Variants in TIAM1 observed in about 807,000 individuals in gnomAD.
The protein encoded by TIAM1 is TIAM Rac1 associated GEF 1, also known as rho guanine nucleotide exchange factor TIAM1.
In TIAM1, 65 loss-of-function variants were observed where a neutral mutation model predicts 163.5. That is an observed-to-expected ratio of 0.40 (90% CI 0.33 to 0.49). TIAM1 has a LOEUF of 0.49. Among genes scored for constraint, TIAM1 ranks in the 20% least tolerant of loss-of-function variants. TIAM1 has a pLI of 0.77. For missense variants in TIAM1, 1,789 were observed against 2,044.7 expected, an observed-to-expected ratio of 0.87 and a Z score of 2.41; for synonymous variants, 833 against 810.1, an observed-to-expected ratio of 1.03 and a Z score of -0.48.
At chr21:31,407,551 C>G (rs1026324373) in intron 2 of TIAM1, among the ~76,000 whole-genome samples, 1 of 151,792 alleles carries the variant, frequency 6.6e-6, no homozygotes, top group Non-Finnish European at 1.5e-5. Flanking sequence ...GTCCGTGGCT[C>G]GACCCATCGG....
intron 2 of TIAM1, among the ~76,000 whole-genome samples, chr21:31,377,909 G>A (rs1316713997): frequency 6.6e-6 from 1 of 151,700 alleles, no homozygotes; most frequent in Non-Finnish European, 1.5e-5. Flanking sequence ...GGCCGAGGTG[G>A]GCAGATCACT....
At chr21:31,407,152 A>G (rs1314772329) in intron 2 of TIAM1, among the ~76,000 whole-genome samples, 1 of 152,200 alleles carries the variant, frequency 6.6e-6, no homozygotes, top group Non-Finnish European at 1.5e-5. Context: ...AAGTGTTGCC[A>G]ATCACACAAA....
intron 2 of TIAM1, among the ~76,000 whole-genome samples, chr21:31,289,160 C>T (rs902445649): frequency 6.6e-5 from 10 of 152,166 alleles, no homozygotes; most frequent in African/African-American, 1.4e-4. Context: ...AAGTCAATAG[C>T]TTTGCAACAC....
intron 11 of TIAM1, among the ~76,000 whole-genome samples, chr21:31,204,283 A>G (rs556313924): frequency 2.5e-4 from 38 of 152,204 alleles, no homozygotes; most frequent in Admixed American, 5.2e-4. Flanking sequence ...TCCAAAACAA[A>G]TAAGAGTTGG....
At chr21:31,374,729 C>A (rs557419046) in intron 2 of TIAM1, among the ~76,000 whole-genome samples, 1 of 152,180 alleles carries the variant, frequency 6.6e-6, no homozygotes, top group Non-Finnish European at 1.5e-5. Context: ...TGTTCCAAGG[C>A]AATATGGGAT....
intron 2 of TIAM1, among the ~76,000 whole-genome samples, chr21:31,360,655 T>A (rs776528918): frequency 6.6e-6 from 1 of 152,168 alleles, no homozygotes; most frequent in Non-Finnish European, 1.5e-5. Context: ...GACAAGGAGA[T>A]ATTATGCAGA....
chr21:31,511,124 G>A (rs1353797844), intron 1 of TIAM1, among the ~76,000 whole-genome samples: 3 of 152,190 alleles, frequency 2.0e-5, no homozygotes, highest in African/African-American at 4.8e-5. Context: ...AACCAATGCC[G>A]CGGGCACCCT....
At chr21:31,415,847 T>C (rs1341303830) in intron 2 of TIAM1, among the ~76,000 whole-genome samples, 2 of 152,140 alleles carry the variant, frequency 1.3e-5, no homozygotes, top group East Asian at 1.9e-4. Context: ...TTCCCCACAC[T>C]GTCTCCTCCA....
At position 31,210,173 on chromosome 21, in the gene TIAM1, G is replaced by T; in HGVS notation, c.2260C>A (p.Pro754Thr). Residue 754 changes from proline to threonine, a missense_variant, in exon 11 of 28, where the codon CCT (proline) becomes ACT (threonine). By Grantham distance (38) the Pro-to-Thr change is conservative. This residue lies in a region of TIAM1 where 456 missense variants were observed against 586.6 expected (regional missense o/e 0.78). Coordinates refer to ENST00000541036, the MANE Select transcript of TIAM1 (RefSeq NM_001353694.2). Reference protein sequence around the residue: ...VVLPNVHQHNPDCDIWVHEYF... With the variant: ...VVLPNVHQHNTDCDIWVHEYF... Reference sequence around the variant, plus strand: ...TCGTGGACCCAAATGTCGCAGTCAGGGTTGTGCTGGTGAACGTTAGGTAAG... The same window carrying T: ...TCGTGGACCCAAATGTCGCAGTCAGTGTTGTGCTGGTGAACGTTAGGTAAG... The T allele has an allele frequency of 6.2e-7, 1 of 1,614,116 alleles. No individual in the cohort carries two copies. The highest frequency in any genetic ancestry group is 8.5e-7 in the Non-Finnish European group (1 of 1,180,028).
In TIAM1 at chr21:31,398,761, C is replaced by T. The variant is rs577355792; in HGVS notation, c.-368-59339G>A. On this transcript the variant is annotated intron_variant, in intron 2 of 28. Transcript: ENST00000286827. ...TCTGTGCCTGGGCAGATATGGAGAA[C>T]GATTTAGTGTGATATGAGAATACAG... is the stretch of plus-strand genomic sequence containing the variant. Among the ~76,000 whole-genome samples the T allele has an allele frequency of 1.5e-3, 232 of 152,334 alleles. 2 individuals are homozygous for T. Among genetic ancestry groups the T allele is most frequent in the Admixed American group, 5.0e-3 (76 of 15,302 alleles).
At chr21:31,472,089 G>C in intron 1 of TIAM1, among the ~76,000 whole-genome samples, 1 of 152,026 alleles carries the variant, frequency 6.6e-6, no homozygotes, top group East Asian at 1.9e-4. Context: ...GTGGACACTT[G>C]GTCTTGCCAT....
chr21:31,193,809 A>G (rs537200370), intron 13 of TIAM1, among the ~76,000 whole-genome samples: 2 of 152,332 alleles, frequency 1.3e-5, no homozygotes, highest in South Asian at 2.1e-4. Flanking sequence ...GTGAATCGGG[A>G]AAAGCTAGCT....
chr21:31,138,909 T>G (rs894766639), intron 22 of TIAM1, among the ~76,000 whole-genome samples: 4 of 152,204 alleles, frequency 2.6e-5, no homozygotes, highest in Non-Finnish European at 4.4e-5. Flanking sequence ...AGCCAGAAAT[T>G]TTCTGGGCTT....
At chr21:31,385,436 T>A (rs1220704271) in intron 2 of TIAM1, among the ~76,000 whole-genome samples, 2 of 151,864 alleles carry the variant, frequency 1.3e-5, no homozygotes, top group Non-Finnish European at 2.9e-5. Context: ...GAAAGAAGGG[T>A]GGGGTCAAGG....
At chr21:31,144,497 G>A (rs2083011921) in intron 20 of TIAM1, among the ~76,000 whole-genome samples, 1 of 152,162 alleles carries the variant, frequency 6.6e-6, no homozygotes, top group Admixed American at 6.5e-5. Context: ...GTTGTTCTCA[G>A]AGTTATCCTG....
chr21:31,125,110 G>C lies in TIAM1; in HGVS notation c.4134-416C>G, dbSNP rs193062148. Among the ~76,000 whole-genome samples the C allele has an allele frequency of 3.3e-5, 5 of 151,820 alleles. No homozygotes were observed. In the East Asian group the frequency reaches 9.7e-4, roughly 30 times the overall value. On this transcript the variant is annotated intron_variant, in intron 26 of 27. Transcript: ENST00000541036. ...CGTCTCAACGTCCTAATGTCCTCTA[G>C]AGCTGAGCTCCCTCCTGGTAAATAT...
intron 2 of TIAM1, among the ~76,000 whole-genome samples, chr21:31,412,537 T>C (rs2077376726): frequency 6.6e-6 from 1 of 151,818 alleles, no homozygotes; most frequent in Admixed American, 6.6e-5. Context: ...ATCCCAGCAC[T>C]TTGGGAGGCT....
chr21:31,551,404 T>C (rs1476233321), intron 1 of TIAM1, among the ~76,000 whole-genome samples: 2 of 151,370 alleles, frequency 1.3e-5, no homozygotes, highest in South Asian at 2.1e-4. Context: ...AGCGAGGCTC[T>C]GTCTCAAAAA....
At chr21:31,367,708 C>T (rs1178496255) in intron 2 of TIAM1, among the ~76,000 whole-genome samples, 2 of 152,226 alleles carry the variant, frequency 1.3e-5, no homozygotes, top group African/African-American at 2.4e-5. Flanking sequence ...TCCGTTTCTT[C>T]GCCATTTGGG....
Sources: gnomAD v4.1 joint callset for allele counts (sites outside exome capture counted in the v4.1 genomes callset) on GRCh38, gnomAD v4.1.1 for gene constraint, gnomAD v4.1.1 regional missense constraint, MANE v1.5 for transcripts, NCBI Gene and HGNC (gene_info 2026-07-23, HGNC 2026-07-21) for gene names.